RPTOR: variants seen among roughly 807,000 people sequenced by gnomAD.
The protein encoded by RPTOR is regulatory associated protein of MTOR complex 1, also known as regulatory-associated protein of mTOR.
A neutral mutation model predicts 169.9 loss-of-function variants in RPTOR; 21 were observed. That is an observed-to-expected ratio of 0.12 (90% CI 0.09 to 0.18). The LOEUF (loss-of-function observed/expected upper bound fraction) is 0.18. Among genes scored for constraint, RPTOR ranks in the 10% least tolerant of loss-of-function variants. The pLI is 1.00. For synonymous variants in RPTOR, 732 were observed against 753.2 expected (o/e 0.97, Z 0.46); for missense variants, 1,133 against 1,855.9 (o/e 0.61, Z 7.16).
In RPTOR at chr17:80,964,408, C is replaced by T. The variant is rs530172481; in HGVS notation, c.*78C>T. The T allele has an allele frequency of 1.7e-5, 24 of 1,395,220 alleles. No individual in the cohort carries two copies. The highest frequency in any genetic ancestry group is 4.6e-5 in the East Asian group (2 of 43,606). 86.4% of individuals were successfully genotyped at this position (1,395,220 alleles called of 1,614,324 possible). ...TGTCACTCGCCGGGGCACGGGGCGTCGGCTGCTGCGGCCCCGCAGTGTGAA... is the reference window on the plus strand; with the variant it reads ...TGTCACTCGCCGGGGCACGGGGCGTTGGCTGCTGCGGCCCCGCAGTGTGAA... On this transcript the variant is annotated 3_prime_UTR_variant, in exon 34 of 34. Coordinates refer to ENST00000306801, the MANE Select transcript of RPTOR (RefSeq NM_020761.3).
In RPTOR at chr17:80,621,596, C is replaced by T. The variant is rs186558841; in HGVS notation, c.163-4095C>T. On this transcript the variant is annotated intron_variant, in intron 1 of 33. Transcript: ENST00000306801. ...CCCACTTGCTCGCTCCCTGGACTTG[C>T]AGCCGCCCCTTACTCCCTGGATTCC... Among the ~76,000 whole-genome samples the T allele has an allele frequency of 2.9e-4, 44 of 152,332 alleles. No homozygotes were observed. In the South Asian group the frequency reaches 5.2e-3, roughly 18 times the overall value.
intron 3 of RPTOR, among the ~76,000 whole-genome samples, chr17:80,687,678 C>T (rs565292994): frequency 1.3e-5 from 2 of 152,174 alleles, no homozygotes; most frequent in Admixed American, 6.5e-5. Flanking sequence ...GAATGGTTGT[C>T]ATCGGCTTCA....
chr17:80,908,098 C>T (rs1255814109), intron 20 of RPTOR, among the ~76,000 whole-genome samples: 1 of 151,296 alleles, frequency 6.6e-6, no homozygotes, highest in African/African-American at 2.4e-5. Flanking sequence ...GCAGCCGCAC[C>T]GACGAATCCT....
intron 1 of RPTOR, among the ~76,000 whole-genome samples, chr17:80,591,373 C>CTTTCTTTT (rs2065106594): frequency 6.9e-6 from 1 of 144,284 alleles, no homozygotes; most frequent in East Asian, 2.0e-4. Flanking sequence ...TCTTTCCTTC[C>CTTTCTTTT]TTTCTTTTTT....
intron 1 of RPTOR, among the ~76,000 whole-genome samples, chr17:80,556,189 A>G (rs1048215445): frequency 6.6e-6 from 1 of 151,938 alleles, no homozygotes; most frequent in African/African-American, 2.4e-5. Flanking sequence ...CACCTCTCCA[A>G]TCCCTCTACT....
chr17:80,571,141 C>T (rs546244938), intron 1 of RPTOR, among the ~76,000 whole-genome samples: 18 of 152,288 alleles, frequency 1.2e-4, no homozygotes, highest in Middle Eastern at 6.8e-3. Flanking sequence ...GGCACTCAGT[C>T]ATGTAGTGCC....
chr17:80,771,626 G>A (rs72852735), intron 6 of RPTOR, among the ~76,000 whole-genome samples: 1,642 of 145,050 alleles, frequency 0.011, 18 homozygotes, highest in Non-Finnish European at 0.018. Context: ...GTTTTTCTGT[G>A]TAATGGAAGG....
In RPTOR at chr17:80,708,016, G is replaced by C; in HGVS notation, c.507+17G>C. 7 of 1,606,690 alleles carry C rather than the reference G, an allele frequency of 4.4e-6. No individual in the cohort carries two copies. The highest frequency in any genetic ancestry group is 6.0e-6 in the Non-Finnish European group (7 of 1,176,200). ...TTCAACAAGGTGGGTGTGCCTTCCA[G>C]CTTCCTTCCCGTTTCTGCCAAAAGC... On this transcript the variant is annotated intron_variant, in intron 4 of 33. Transcript: ENST00000306801. This position sits in a 1 kb window ranked among gnomAD's most constrained non-coding sequence, Gnocchi z 4.2.
intron 24 of RPTOR, 117 bp downstream of exon 24, chr17:80,925,597 T>A: frequency 1.3e-6 from 1 of 787,540 alleles, no homozygotes; most frequent in Non-Finnish European, 2.1e-6. Flanking sequence ...GTGGTCGTGG[T>A]AGTGATGGTC....
chr17:80,555,628 C>T (rs970103541), intron 1 of RPTOR, among the ~76,000 whole-genome samples: 15 of 152,198 alleles, frequency 9.9e-5, no homozygotes, highest in African/African-American at 3.6e-4. Flanking sequence ...AGGTATCAAT[C>T]ATAGTAATTA....
intron 1 of RPTOR, chr17:80,593,550 A>G (rs2065123035): frequency 6.5e-6 from 1 of 154,548 alleles, no homozygotes; most frequent in Admixed American, 6.5e-5. Flanking sequence ...GTATCAAACA[A>G]TACTGACAAT....
intron 5 of RPTOR, among the ~76,000 whole-genome samples, chr17:80,752,374 G>T (rs3887735): frequency 0.42 from 64,605 of 152,124 alleles, 14,408 homozygotes; most frequent in Non-Finnish European, 0.49. Flanking sequence ...ATCCCCGGAA[G>T]GGAGGCATTG....
rs201345890 is a variant in RPTOR, at chr17:80,884,995, C to T, written c.1843-13C>T. The T allele has an allele frequency of 5.1e-4, 814 of 1,604,786 alleles. 3 individuals are homozygous for T. The highest frequency in any genetic ancestry group is 1.1e-3 in the African/African-American group (85 of 74,996). On this transcript the variant is annotated splice_polypyrimidine_tract_variant and intron_variant, in intron 16 of 33. Coordinates refer to ENST00000306801, the MANE Select transcript of RPTOR (RefSeq NM_020761.3). Reference sequence around the variant, plus strand: ...GGTGTGGGACATGCCTGTGACCCCCCGCCGCCTTGCAGGTCCGCTGCGCAG... The same window carrying T: ...GGTGTGGGACATGCCTGTGACCCCCTGCCGCCTTGCAGGTCCGCTGCGCAG...
chr17:80,583,669 A>T (rs1039665962), intron 1 of RPTOR, among the ~76,000 whole-genome samples: 1 of 152,146 alleles, frequency 6.6e-6, no homozygotes, highest in Non-Finnish European at 1.5e-5. Context: ...TGGCCTCCCA[A>T]CCCGGTAGTG....
intron 13 of RPTOR, among the ~76,000 whole-genome samples, chr17:80,859,649 A>G (rs998271368): frequency 6.6e-6 from 1 of 152,196 alleles, no homozygotes; most frequent in African/African-American, 2.4e-5. Context: ...AACCAGCCCC[A>G]GCAACTCATT....
intron 1 of RPTOR, among the ~76,000 whole-genome samples, chr17:80,583,816 G>A (rs1455480584): frequency 2.0e-5 from 3 of 152,226 alleles, no homozygotes; most frequent in East Asian, 1.9e-4. Context: ...CAGCCCTGCC[G>A]TTGGTCAGGA....
chr17:80,707,801 G>T lies in RPTOR; in HGVS notation c.349-40G>T. ...GGGGATGAGTTCCAAGCATTCCCTG[G>T]AGTCCGTGGTAAATTTCTTCATTTC... On this transcript the variant is annotated intron_variant, in intron 3 of 33. Transcript: ENST00000306801. This position sits in a 1 kb window ranked among gnomAD's most constrained non-coding sequence, Gnocchi z 5.0. 1 of 1,595,362 alleles carries T rather than the reference G, an allele frequency of 6.3e-7. No individual in the cohort carries two copies. The highest frequency in any genetic ancestry group is 8.6e-7 in the Non-Finnish European group (1 of 1,167,342).
chr17:80,659,965 G>C lies in RPTOR; in HGVS notation c.348+16155G>C, dbSNP rs531071738. On this transcript the variant is annotated intron_variant, in intron 3 of 33. Coordinates refer to ENST00000306801, the MANE Select transcript of RPTOR (RefSeq NM_020761.3). This position sits in a 1 kb window ranked among gnomAD's most constrained non-coding sequence, Gnocchi z 4.3. The stretch of plus-strand genomic sequence containing the variant: ...CCTGGCCTGCAGGTAATATTCTTTT[G>C]TGTATATATAAGAATTTAAATGAGG... Among the ~76,000 whole-genome samples, 2 of 151,984 alleles carry C rather than the reference G, an allele frequency of 1.3e-5. No individual in the cohort carries two copies. The highest frequency in any genetic ancestry group is 4.8e-5 in the African/African-American group (2 of 41,394).
At chr17:80,556,920 C>A (rs1382369670) in intron 1 of RPTOR, among the ~76,000 whole-genome samples, 1 of 151,900 alleles carries the variant, frequency 6.6e-6, no homozygotes. Flanking sequence ...ATGGCGAAAC[C>A]CCGTCTCTAC....
Sources: gnomAD v4.1 joint callset for allele counts (sites outside exome capture counted in the v4.1 genomes callset) on GRCh38, gnomAD v4.1.1 for gene constraint, Gnocchi (gnomAD v3.1) non-coding constraint, MANE v1.5 for transcripts, NCBI Gene and HGNC (gene_info 2026-07-23, HGNC 2026-07-21) for gene names.